TULP2: variants seen among roughly 807,000 people sequenced by gnomAD.
TULP2 encodes the protein TUB like protein 2, also known as tubby-related protein 2.
Under a neutral mutation model 60.3 loss-of-function variants are expected in TULP2, and 64 were observed. The observed-to-expected ratio is 1.06, with a 90% CI of 0.87 to 1.31. The LOEUF (loss-of-function observed/expected upper bound fraction) is 1.31, where lower values mean the gene tolerates loss of function less well. TULP2 is among the 50% of genes most tolerant of loss of function. The pLI is 0.00. For synonymous variants in TULP2, 267 were observed against 265.4 expected, an observed-to-expected ratio of 1.01 and a Z score of -0.06; for missense variants, 652 against 667.0, an observed-to-expected ratio of 0.98 and a Z score of 0.25.
intron 8 of TULP2, among the ~76,000 whole-genome samples, chr19:48,887,455 G>A (rs2037191578): frequency 6.6e-6 from 1 of 151,016 alleles, no homozygotes; most frequent in African/African-American, 2.4e-5. Flanking sequence ...CTCCCGAGTA[G>A]CTTGGACTAC....
At chr19:48,891,011 C>T (rs375869920) in intron 6 of TULP2, among the ~76,000 whole-genome samples, 1 of 150,670 alleles carries the variant, frequency 6.6e-6, no homozygotes, top group Non-Finnish European at 1.5e-5. Context: ...TACTACCACA[C>T]GGATGAACCT....
chr19:48,889,691 G>C, intron 6 of TULP2, 60 bp from the exon 7 acceptor site: 14 of 1,428,592 alleles, frequency 9.8e-6, no homozygotes, highest in Non-Finnish European at 1.3e-5. Context: ...GAAAGAAGTA[G>C]ACATAGGAGA....
chr19:48,884,005 C>T lies in TULP2; in HGVS notation c.1103G>A (p.Gly368Glu), dbSNP rs367975354. Residue 368 changes from glycine (G) to glutamate (E), a missense_variant, in exon 10 of 13, where the codon GGG (glycine) becomes GAG (glutamate). By Grantham distance (98) the Gly-to-Glu change is moderately conservative. Coordinates refer to ENST00000221399, the MANE Select transcript of TULP2 (RefSeq NM_003323.3). Reference protein sequence around the residue: ...FSTKFTIFDNGVNPDREHLTR... With the variant: ...FSTKFTIFDNEVNPDREHLTR... The stretch of plus-strand genomic sequence containing the variant: ...TAAATGCTCCCGGTCAGGATTCACC[C>T]CATTGTCAAAGATGGTGAACTTGGT... The T allele has an allele frequency of 6.1e-5, 99 of 1,613,970 alleles. No individual in the cohort carries two copies. In the Admixed American group the frequency reaches 1.7e-3, roughly 27 times the overall value.
rs1197086158 is a variant in TULP2 at position 48,897,353 on chromosome 19, C to A, written c.76G>T (p.Glu26Ter). ...ATTCCTGGGCACAATACCTGCTGTT[C>A]CAGCTTCTGCAGCCTCATAGCAGCG... is the stretch of plus-strand genomic sequence containing the variant. ...ELAAMRLQKL[E>*]QQRRLFEKKQ... The change falls in exon 3 of 13, where the codon GAA becomes TAA. Residue 26 changes from glutamate (E) to a stop codon, truncating the protein, a stop_gained. Coordinates refer to ENST00000221399, the MANE Select transcript of TULP2 (RefSeq NM_003323.3). LOFTEE classifies it high-confidence loss of function. The surrounding 1 kb of genome is among the most constrained non-coding windows in gnomAD (Gnocchi z 4.0). 17 of 1,613,584 alleles carry A rather than the reference C, an allele frequency of 1.1e-5. No homozygotes were observed. The highest frequency in any genetic ancestry group is 1.3e-5 in the African/African-American group (1 of 74,902).
chr19:48,881,004 C>T lies in TULP2; in HGVS notation c.*7G>A. 1 of 1,610,662 alleles carries T rather than the reference C, an allele frequency of 6.2e-7. No individual in the cohort carries two copies. The highest frequency in any genetic ancestry group is 8.5e-7 in the Non-Finnish European group (1 of 1,177,218). ...GGTATTTTATTGAGTTATTCAACAG[C>T]CAGCTTCTAATTGAAACTGGACAAG... On this transcript the variant is annotated 3_prime_UTR_variant, in exon 13 of 13. Coordinates refer to ENST00000221399, the MANE Select transcript of TULP2 (RefSeq NM_003323.3).
chr19:48,889,968 T>C (rs868756296), intron 6 of TULP2, among the ~76,000 whole-genome samples: 1 of 152,228 alleles, frequency 6.6e-6, no homozygotes, highest in Admixed American at 6.5e-5. Flanking sequence ...AAGCCAGGTA[T>C]TGTCCAAGAT....
intron 12 of TULP2, 30 bp from the exon 13 acceptor site, chr19:48,881,156 G>T (rs1381126997): frequency 7.0e-7 from 1 of 1,424,306 alleles, no homozygotes; most frequent in Non-Finnish European, 9.8e-7. Flanking sequence ...CAAAGCCTTA[G>T]CCTGACTCTC....
chr19:48,887,932 T>G lies in TULP2; in HGVS notation c.948+18A>C. The G allele has an allele frequency of 6.2e-7, 1 of 1,600,996 alleles. No individual in the cohort carries two copies. Among genetic ancestry groups the G allele is most frequent in the East Asian group, 2.2e-5 (1 of 44,560 alleles). ...GGTGGGGGCTTACTCCCAAAGCTGTTGGGCTGGCTTACTGCACCTGCAGGC... is the reference window on the plus strand; with the variant it reads ...GGTGGGGGCTTACTCCCAAAGCTGTGGGGCTGGCTTACTGCACCTGCAGGC... On this transcript the variant is annotated intron_variant, in intron 8 of 12. Coordinates refer to ENST00000221399, the MANE Select transcript of TULP2 (RefSeq NM_003323.3).
At chr19:48,881,881 T>C in intron 12 of TULP2, 151 bp downstream of exon 12, 1 of 1,017,752 alleles carries the variant, frequency 9.8e-7, no homozygotes, top group Non-Finnish European at 1.4e-6. Flanking sequence ...TGAGGGTGTG[T>C]AAACTACAAT....
chr19:48,895,598 C>T (rs1159757263), intron 4 of TULP2, 95 bp from the exon 5 acceptor site: 40 of 1,482,978 alleles, frequency 2.7e-5, no homozygotes, highest in Admixed American at 3.9e-5. Context: ...ATATCACCCC[C>T]GCCAGGCGCC....
chr19:48,893,243 G>A (rs78968006), intron 6 of TULP2, among the ~76,000 whole-genome samples: 14 of 152,012 alleles, frequency 9.2e-5, no homozygotes, highest in African/African-American at 3.1e-4. Flanking sequence ...GGTGGCACGC[G>A]CCTGTAACCC....
In TULP2 at chr19:48,882,120, G is replaced by C; in HGVS notation, c.1359C>G (p.Asp453Glu). 6.2e-7 allele frequency: 1 copy of C among 1,614,124 alleles called. No individual in the cohort carries two copies. The highest frequency in any genetic ancestry group is 1.7e-5 in the Admixed American group (1 of 60,006). ...TGAGCGTGTAGACACCGTTCTCCTT[G>C]TCCCACGACGGGGTTTTGTTGTGCA... ...LLLHNKTPSW[D>E]KENGVYTLNF... is the part of the protein sequence containing the mutation. Residue 453 changes from aspartate to glutamate, a missense_variant, in exon 12 of 13, where the codon GAC becomes GAG. Physicochemically the swap from Asp to Glu is conservative, Grantham distance 45. Coordinates refer to ENST00000221399, the MANE Select transcript of TULP2 (RefSeq NM_003323.3).
chr19:48,898,085 C>T (rs1297896898), intron 1 of TULP2, among the ~76,000 whole-genome samples: 1 of 151,992 alleles, frequency 6.6e-6, no homozygotes, highest in African/African-American at 2.4e-5. Flanking sequence ...GATTCTCCTG[C>T]CTCAGCCTCC....
rs563835943 is a variant in TULP2, at chr19:48,889,524, A to C, written c.622T>G (p.Leu208Val). Residue 208 changes from leucine to valine, a missense_variant, in exon 7 of 13, where the codon TTG becomes GTG. Leu to Val is a conservative substitution (Grantham distance 32). Transcript: ENST00000221399. The stretch of plus-strand genomic sequence containing the variant: ...CATTTTCCTACCTTTTGGAAGGCCA[A>C]GTTTTCATATACACAGTCACCATCC... The part of the protein sequence containing the change: ...GMDGDCVYEN[L>V]AFQKEEDLEK... 1.3e-6 allele frequency: 2 copies of C among 1,571,432 alleles called. No homozygotes were observed. Among genetic ancestry groups the C allele is most frequent in the South Asian group, 1.1e-5 (1 of 86,984 alleles).
chr19:48,896,767 C>G, intron 3 of TULP2: 1 of 518,048 alleles, frequency 1.9e-6, no homozygotes. Context: ...ACCCTGTCCT[C>G]TCATCCCCCA....
chr19:48,896,495 T>C lies in TULP2; in HGVS notation c.146A>G (p.Asn49Ser). Residue 49 changes from asparagine (N) to serine (S), a missense_variant, in exon 4 of 13, where the codon AAT becomes AGT. By Grantham distance (46) the Asn-to-Ser change is conservative (BLOSUM62 1). Transcript: ENST00000221399. ...KRQELLMVQA[N>S]PDASPWLWRS... The stretch of plus-strand genomic sequence containing the variant: ...CCAAAGCCACGGGGAAGCGTCAGGA[T>C]TGGCCTGAACCATGAGGAGCTCCTG... The C allele has an allele frequency of 1.2e-6, 2 of 1,611,384 alleles. No homozygotes were observed. Among genetic ancestry groups the C allele is most frequent in the Admixed American group, 1.7e-5 (1 of 59,612 alleles).
chr19:48,889,387 A>G (rs376385823), intron 7 of TULP2, 123 bp downstream of exon 7: 23 of 1,468,626 alleles, frequency 1.6e-5, no homozygotes, highest in Admixed American at 6.2e-5. Flanking sequence ...AGTCTCTGCC[A>G]GCTTAATCAC....
In TULP2 at chr19:48,896,527, C is replaced by T. The variant is rs1443976671; in HGVS notation, c.114G>A (p.Gln38=). The change falls in exon 4 of 13, where the codon CAG becomes CAA. Residue 38 remains glutamine, a synonymous_variant. Transcript: ENST00000221399. ...GAACCATGAGGAGCTCCTGGCGCTT[C>T]TGTCGCTGCTTCTTTTCAAACAGCC... ...QRRLFEKKQR[Q]KRQELLMVQA... is the part of the protein sequence containing the mutation. 1 of 1,604,076 alleles carries T rather than the reference C, an allele frequency of 6.2e-7. No homozygotes were observed. The highest frequency in any genetic ancestry group is 1.7e-5 in the Admixed American group (1 of 58,212).
In TULP2 at chr19:48,897,727, G is replaced by T; in HGVS notation, c.32+110C>A. ...GAGTCCAGGTCCCCAGCCCCTTCCTGCAAGGCCGATGGTGCTGAACCTGCA... is the reference window on the plus strand; with the variant it reads ...GAGTCCAGGTCCCCAGCCCCTTCCTTCAAGGCCGATGGTGCTGAACCTGCA... On this transcript the variant is annotated intron_variant, in intron 2 of 12. Transcript: ENST00000221399. The surrounding 1 kb of genome is among the most constrained non-coding windows in gnomAD (Gnocchi z 4.0). The T allele has an allele frequency of 8.3e-7, 1 of 1,207,322 alleles. No homozygotes were observed. Among genetic ancestry groups the T allele is most frequent in the East Asian group, 2.3e-5 (1 of 42,738 alleles). The allele number at this position is 1,207,322 out of a possible 1,614,324, so 74.8% of individuals were successfully genotyped here.
Sources: allele counts gnomAD v4.1 joint callset (sites outside exome capture counted in the v4.1 genomes callset), GRCh38; gene constraint gnomAD v4.1.1; non-coding constraint Gnocchi (gnomAD v3.1); transcripts MANE v1.5; gene names NCBI Gene and HGNC (gene_info 2026-07-23, HGNC 2026-07-21).